The following ARHGEF12 variants were observed in gnomAD, a reference collection of about 807,000 sequenced individuals.
ARHGEF12 encodes the protein KMT2A/ARHGEF12 fusion protein.
A neutral mutation model predicts 211.2 loss-of-function variants in ARHGEF12; 66 were observed. The observed-to-expected ratio is 0.31, with a 90% CI of 0.26 to 0.38. The LOEUF is 0.38. ARHGEF12 is among the 10% of genes least tolerant of loss of function. The probability of loss-of-function intolerance (pLI) is 1.00; values close to 1 mark genes in which losing one functional copy is unlikely to be tolerated. For synonymous variants in ARHGEF12, 592 were observed against 638.4 expected (o/e 0.93, Z 1.09); for missense variants, 1,429 against 1,869.5 (o/e 0.76, Z 4.34).
chr11:120,444,741 T>G (rs911737576), intron 15 of ARHGEF12, among the ~76,000 whole-genome samples: 1 of 151,900 alleles, frequency 6.6e-6, no homozygotes, highest in Admixed American at 6.6e-5. Flanking sequence ...AGTTTGGGGG[T>G]GGGGGAAAAC....
At chr11:120,405,499 T>C (rs1944673101) in intron 1 of ARHGEF12, among the ~76,000 whole-genome samples, 1 of 152,160 alleles carries the variant, frequency 6.6e-6, no homozygotes, top group African/African-American at 2.4e-5. Context: ...TTGGAAGGTA[T>C]TTTTTGTAAC....
chr11:120,388,634 T>C (rs1944113909), intron 1 of ARHGEF12, among the ~76,000 whole-genome samples: 1 of 152,202 alleles, frequency 6.6e-6, no homozygotes, highest in Non-Finnish European at 1.5e-5. Context: ...GTTTTGTCAG[T>C]CTTTTTAATT....
intron 4 of ARHGEF12, among the ~76,000 whole-genome samples, chr11:120,412,103 A>G (rs551566141): frequency 2.9e-4 from 44 of 152,202 alleles, no homozygotes; most frequent in African/African-American, 1.0e-3. Flanking sequence ...GTCCCTTTCT[A>G]CCTGTTAGAG....
At chr11:120,355,976 G>A (rs555916488) in intron 1 of ARHGEF12, among the ~76,000 whole-genome samples, 1 of 152,240 alleles carries the variant, frequency 6.6e-6, no homozygotes, top group South Asian at 2.1e-4. Flanking sequence ...GATATTAAAA[G>A]GCAACCTTCA....
chr11:120,371,896 A>G (rs948894038), intron 1 of ARHGEF12, among the ~76,000 whole-genome samples: 14 of 152,400 alleles, frequency 9.2e-5, no homozygotes, highest in South Asian at 4.1e-4. Flanking sequence ...CAACAGTTTC[A>G]TAAGTGAAAG....
At chr11:120,394,248 C>G in intron 1 of ARHGEF12, among the ~76,000 whole-genome samples, 1 of 150,982 alleles carries the variant, frequency 6.6e-6, no homozygotes, top group African/African-American at 2.4e-5. Flanking sequence ...AAGACAGGGT[C>G]TTACTCTGTT....
intron 1 of ARHGEF12, among the ~76,000 whole-genome samples, chr11:120,366,504 A>G (rs1943425549): frequency 6.6e-6 from 1 of 152,196 alleles, no homozygotes; most frequent in Non-Finnish European, 1.5e-5. Flanking sequence ...GGGCAATAAA[A>G]TAATACAGTG....
At chr11:120,398,454 A>C (rs976892987) in intron 1 of ARHGEF12, among the ~76,000 whole-genome samples, 6 of 152,236 alleles carry the variant, frequency 3.9e-5, no homozygotes, top group Non-Finnish European at 8.8e-5. Context: ...TGTAGAAGCC[A>C]GTGTAAAATG....
intron 1 of ARHGEF12, among the ~76,000 whole-genome samples, chr11:120,345,699 C>CT (rs1224193475): frequency 1.9e-5 from 1 of 51,566 alleles, no homozygotes; most frequent in East Asian, 3.5e-4. Flanking sequence ...GAGACTCCGT[C>CT]TCAAAAAAAA....
At chr11:120,371,413 G>A (rs1023247999) in intron 1 of ARHGEF12, among the ~76,000 whole-genome samples, 13 of 152,174 alleles carry the variant, frequency 8.5e-5, no homozygotes, top group Admixed American at 2.6e-4. Flanking sequence ...GCTTGAGCCC[G>A]GGAGGTGGAG....
chr11:120,442,064 G>C, intron 14 of ARHGEF12, 40 bp from the exon 15 acceptor site: 2 of 1,429,712 alleles, frequency 1.4e-6, no homozygotes, highest in African/African-American at 2.9e-5. Flanking sequence ...ATTTTTCATG[G>C]TTCCTCATTT....
intron 13 of ARHGEF12, 54 bp downstream of exon 13, chr11:120,440,275 T>G: frequency 6.9e-7 from 1 of 1,443,830 alleles, no homozygotes; most frequent in Non-Finnish European, 9.7e-7. Context: ...CAATATCTGA[T>G]TTGTTGCAAA....
At chr11:120,415,117 T>C (rs912624408) in intron 4 of ARHGEF12, among the ~76,000 whole-genome samples, 1 of 152,186 alleles carries the variant, frequency 6.6e-6, no homozygotes, top group Admixed American at 6.5e-5. Context: ...AACAAAACCA[T>C]GGACTATATG....
At chr11:120,389,733 G>T (rs137883381) in intron 1 of ARHGEF12, among the ~76,000 whole-genome samples, 1 of 152,146 alleles carries the variant, frequency 6.6e-6, no homozygotes, top group Admixed American at 6.6e-5. Flanking sequence ...CATGAGTTCA[G>T]TTGTTTTAAT....
At chr11:120,451,991 C>T (rs1183703308) in intron 22 of ARHGEF12, among the ~76,000 whole-genome samples, 1 of 152,206 alleles carries the variant, frequency 6.6e-6, no homozygotes, top group East Asian at 1.9e-4. Context: ...ATGCTTGCCT[C>T]ATGCAGCTTT....
chr11:120,367,368 T>C (rs564840838), intron 1 of ARHGEF12, among the ~76,000 whole-genome samples: 1,277 of 122,162 alleles, frequency 0.01, 37 homozygotes, highest in African/African-American at 0.039. Context: ...TTTTTTTTTT[T>C]TTTTTTTTTT....
chr11:120,471,737 T>C (rs1489599880), intron 30 of ARHGEF12, among the ~76,000 whole-genome samples: 2 of 152,160 alleles, frequency 1.3e-5, no homozygotes, highest in African/African-American at 2.4e-5. Context: ...GATGAATAAA[T>C]AGATATATGA....
chr11:120,404,870 T>C (rs1356771735), intron 1 of ARHGEF12, among the ~76,000 whole-genome samples: 1 of 152,336 alleles, frequency 6.6e-6, no homozygotes, highest in South Asian at 2.1e-4. Flanking sequence ...TCAACAGTTA[T>C]GGACAGACTG....
At chr11:120,338,883 T>A (rs911944468) in intron 1 of ARHGEF12, among the ~76,000 whole-genome samples, 1 of 152,216 alleles carries the variant, frequency 6.6e-6, no homozygotes. Context: ...TCTCAGGGAT[T>A]TTCCTTGTCT....
Sources: allele counts gnomAD v4.1 joint callset (sites outside exome capture counted in the v4.1 genomes callset), GRCh38; gene constraint gnomAD v4.1.1; transcripts MANE v1.5; gene names NCBI Gene and HGNC (gene_info 2026-07-23, HGNC 2026-07-21).